HIKESHI: variants seen among roughly 807,000 people sequenced by gnomAD.
HIKESHI encodes protein Hikeshi.
HIKESHI carries 13 observed loss-of-function variants against 25.7 expected under a neutral mutation model. The ratio of observed to expected loss-of-function variants is 0.51; its 90% CI spans 0.33 to 0.80. The LOEUF (loss-of-function observed/expected upper bound fraction) is 0.80, where lower values mean the gene tolerates loss of function less well. Among genes scored for constraint, HIKESHI ranks in the 30% least tolerant of loss-of-function variants. The probability of loss-of-function intolerance (pLI) is 0.02; values close to 1 mark genes in which losing one functional copy is unlikely to be tolerated. For synonymous variants in HIKESHI, 76 were observed against 78.7 expected (o/e 0.97, Z 0.18); for missense variants, 174 against 229.5 (o/e 0.76, Z 1.56).
At chr11:86,333,392 C>T (rs931763167) in intron 2 of HIKESHI, among the ~76,000 whole-genome samples, 7 of 151,736 alleles carry the variant, frequency 4.6e-5, no homozygotes, top group East Asian at 1.9e-4. Context: ...GAAAATTAGC[C>T]GGTGTGGTTG....
intron 1 of HIKESHI, among the ~76,000 whole-genome samples, chr11:86,303,918 TAAG>T (rs537302371): frequency 3.3e-4 from 50 of 152,322 alleles, no homozygotes; most frequent in Admixed American, 9.8e-4. Context: ...AGTTGACACT[TAAG>T]AAATATTTAT....
intron 1 of HIKESHI, among the ~76,000 whole-genome samples, chr11:86,304,347 G>C (rs1376790546): frequency 6.6e-6 from 1 of 152,002 alleles, no homozygotes; most frequent in African/African-American, 2.4e-5. Flanking sequence ...AGGAAGACTA[G>C]CCAGCACTTG....
intron 2 of HIKESHI, among the ~76,000 whole-genome samples, chr11:86,333,498 G>A (rs371539789): frequency 2.0e-5 from 3 of 150,888 alleles, no homozygotes; most frequent in East Asian, 1.9e-4. Context: ...TCGTCCTACC[G>A]CACTCCAGCC....
At chr11:86,319,242 A>ATATATATTTTTTTTT (rs1383589741) in intron 2 of HIKESHI, among the ~76,000 whole-genome samples, 1 of 94,952 alleles carries the variant, frequency 1.1e-5, no homozygotes, top group African/African-American at 4.6e-5. Flanking sequence ...ATATATATAT[A>ATATATATTTTTTTTT]TTTTTTTTTT....
chr11:86,307,015 AT>A (rs1446837398), intron 2 of HIKESHI, among the ~76,000 whole-genome samples: 142 of 139,024 alleles, frequency 1.0e-3, no homozygotes, highest in East Asian at 1.8e-3. Flanking sequence ...AAAAAAAAAT[AT>A]ATATATATAT....
At chr11:86,339,850 C>T (rs1234445191) in intron 3 of HIKESHI, among the ~76,000 whole-genome samples, 2 of 152,052 alleles carry the variant, frequency 1.3e-5, no homozygotes, top group African/African-American at 4.8e-5. Context: ...CACCTATTAA[C>T]TCGTCATTTA....
chr11:86,320,698 G>C (rs115717039), intron 2 of HIKESHI, among the ~76,000 whole-genome samples: 4,963 of 152,266 alleles, frequency 0.033, 262 homozygotes, highest in African/African-American at 0.11. Flanking sequence ...TTTTGATATA[G>C]CTACACTTGA....
intron 3 of HIKESHI, 38 bp downstream of exon 3, chr11:86,337,568 C>T (rs1947603693): frequency 6.3e-7 from 1 of 1,588,768 alleles, no homozygotes; most frequent in Non-Finnish European, 8.6e-7. Flanking sequence ...CCTCCCCCTC[C>T]ACTGCTTTAT....
At chr11:86,325,765 G>A (rs1254270918) in intron 2 of HIKESHI, among the ~76,000 whole-genome samples, 2 of 151,584 alleles carry the variant, frequency 1.3e-5, no homozygotes, top group African/African-American at 4.8e-5. Flanking sequence ...CCAGCTACTC[G>A]GGAGGGTGAA....
chr11:86,341,109 T>C (rs959627780), intron 3 of HIKESHI, among the ~76,000 whole-genome samples: 8 of 152,228 alleles, frequency 5.3e-5, no homozygotes, highest in Non-Finnish European at 1.0e-4. Context: ...TTAAAATCTG[T>C]TAGTTTTTCT....
At chr11:86,341,080 ATAT>A (rs1198092730) in intron 3 of HIKESHI, among the ~76,000 whole-genome samples, 3 of 152,186 alleles carry the variant, frequency 2.0e-5, no homozygotes, top group Non-Finnish European at 4.4e-5. Context: ...TTATTTCCAT[ATAT>A]CAGAAAAAAC....
intron 2 of HIKESHI, 79 bp from the exon 3 acceptor site, chr11:86,337,300 G>T: frequency 1.5e-6 from 2 of 1,363,498 alleles, no homozygotes; most frequent in Non-Finnish European, 2.0e-6. Flanking sequence ...TAAATTAGAG[G>T]TTCTTTATAA....
intron 2 of HIKESHI, among the ~76,000 whole-genome samples, chr11:86,328,619 T>C (rs1199217411): frequency 6.6e-6 from 1 of 152,034 alleles, no homozygotes; most frequent in Middle Eastern, 3.2e-3. Context: ...AATTTTTGTC[T>C]TTTTAGTAGA....
intron 2 of HIKESHI, among the ~76,000 whole-genome samples, chr11:86,328,600 C>T (rs1265472720): frequency 5.3e-5 from 8 of 151,992 alleles, no homozygotes; most frequent in South Asian, 2.1e-4. Flanking sequence ...ACTGCCACCA[C>T]GCCCGGCTAA....
chr11:86,306,543 A>C (rs1946628695), intron 2 of HIKESHI, 61 bp downstream of exon 2: 12 of 971,510 alleles, frequency 1.2e-5, no homozygotes, highest in Non-Finnish European at 1.9e-5. Context: ...AAATAGCATA[A>C]CATGGAATAT....
At chr11:86,303,894 C>A (rs538849122) in intron 1 of HIKESHI, among the ~76,000 whole-genome samples, 15 of 152,196 alleles carry the variant, frequency 9.9e-5, no homozygotes, top group South Asian at 2.1e-4. Context: ...GCAGACTGTT[C>A]AGTACCTATA....
At chr11:86,317,523 G>A (rs949937428) in intron 2 of HIKESHI, among the ~76,000 whole-genome samples, 5 of 152,156 alleles carry the variant, frequency 3.3e-5, no homozygotes, top group African/African-American at 9.7e-5. Flanking sequence ...TTGAATCAAG[G>A]GCTGGGTGTG....
At chr11:86,326,539 C>G (rs755911604) in intron 2 of HIKESHI, 2 of 456,060 alleles carry the variant, frequency 4.4e-6, no homozygotes, top group Non-Finnish European at 8.8e-6. Flanking sequence ...TACTTGCTGC[C>G]TACTTTCAAC....
chr11:86,306,445 G>A lies in HIKESHI; in HGVS notation c.231G>A (p.Lys77=). ...WQLLGFVTNG[K]PSAIFKISGL... is the part of the protein sequence containing the mutation. Reference sequence around the variant, plus strand: ...TCCTAGGATTTGTCACGAATGGGAAGCCAAGTGCCATCTTCAAAATTTCAG... The same window carrying A: ...TCCTAGGATTTGTCACGAATGGGAAACCAAGTGCCATCTTCAAAATTTCAG... The change falls in exon 2 of 5, where the codon AAG becomes AAA. Residue 77 remains lysine, a synonymous_variant. Coordinates refer to ENST00000278483, the MANE Select transcript of HIKESHI (RefSeq NM_016401.4). The A allele has an allele frequency of 6.2e-7, 1 of 1,612,528 alleles. No individual in the cohort carries two copies. Among genetic ancestry groups the A allele is most frequent in the Non-Finnish European group, 8.5e-7 (1 of 1,178,726 alleles).
Sources: allele counts gnomAD v4.1 joint callset (sites outside exome capture counted in the v4.1 genomes callset), GRCh38; gene constraint gnomAD v4.1.1; transcripts MANE v1.5; gene names NCBI Gene and HGNC (gene_info 2026-07-23, HGNC 2026-07-21).